Variants in ARHGAP8 observed in about 807,000 individuals in gnomAD.
ARHGAP8 encodes the protein rho GTPase-activating protein 8.
Under a neutral mutation model 46.1 loss-of-function variants are expected in ARHGAP8, and 62 were observed. The observed-to-expected ratio is 1.34, with a 90% CI of 1.10 to 1.66. The LOEUF (loss-of-function observed/expected upper bound fraction) is 1.66, where lower values mean the gene tolerates loss of function less well. ARHGAP8 is among the 40% of genes most tolerant of loss of function. The pLI is 0.00. For synonymous variants in ARHGAP8, 375 were observed against 243.1 expected, an observed-to-expected ratio of 1.54 and a Z score of -5.05; for missense variants, 923 against 568.4, an observed-to-expected ratio of 1.62 and a Z score of -6.34.
chr22:44,844,473 T>A (rs2069906295), intron 7 of ARHGAP8, among the ~76,000 whole-genome samples: 1 of 151,572 alleles, frequency 6.6e-6, no homozygotes, highest in African/African-American at 2.4e-5. Flanking sequence ...TTTTATTTTA[T>A]TTTTTTTGAG....
chr22:44,825,651 C>T (rs949822935), intron 7 of ARHGAP8, 58 bp downstream of exon 7: 156 of 1,541,130 alleles, frequency 1.0e-4, no homozygotes, highest in Admixed American at 7.1e-4. Context: ...AGCTGTGGGG[C>T]GCTTCTGGGT....
intron 2 of ARHGAP8, 57 bp downstream of exon 2, chr22:44,786,663 C>A: frequency 2.6e-6 from 4 of 1,561,142 alleles, no homozygotes; most frequent in South Asian, 1.2e-5. Context: ...TTCCTCTCGG[C>A]AACTTTGAGG....
intron 7 of ARHGAP8, among the ~76,000 whole-genome samples, chr22:44,839,913 C>T (rs547656257): frequency 2.5e-4 from 38 of 152,336 alleles, no homozygotes; most frequent in African/African-American, 3.6e-4. Context: ...GCAGAGGGCA[C>T]GTGGTGGTGT....
At chr22:44,801,180 G>A (rs1212428050) in intron 2 of ARHGAP8, among the ~76,000 whole-genome samples, 2 of 53,290 alleles carry the variant, frequency 3.8e-5, no homozygotes, top group Non-Finnish European at 3.3e-5. Context: ...TGTGGGGGGC[G>A]CCCCTCCCCG....
chr22:44,818,707 CT>C lies in ARHGAP8; in HGVS notation c.387-3655del, dbSNP rs201353111. Among the ~76,000 whole-genome samples the C allele has an allele frequency of 5.9e-5, 9 of 151,344 alleles. No homozygotes were observed. In the East Asian group the frequency reaches 9.7e-4, roughly 16 times the overall value. ...ATTTTTCTTCCTTCCTTCCTTTTCT[CT>C]TTTTTTTTCATAGGTTCTTGTTCCA... On this transcript the variant is annotated intron_variant, in intron 5 of 11. Transcript: ENST00000356099.
At chr22:44,858,837 C>T (rs2269546) in intron 10 of ARHGAP8, among the ~76,000 whole-genome samples, 1 of 149,138 alleles carries the variant, frequency 6.7e-6, no homozygotes, top group African/African-American at 2.5e-5. Flanking sequence ...GCTGAGAATC[C>T]TGAGCAGGCA....
chr22:44,822,035 G>A (rs1930188346), intron 5 of ARHGAP8, among the ~76,000 whole-genome samples: 2 of 152,230 alleles, frequency 1.3e-5, no homozygotes, highest in East Asian at 1.9e-4. Context: ...AGTGCCCCCT[G>A]TCTAGCCTGC....
chr22:44,825,466 C>G lies in ARHGAP8; in HGVS notation c.486-17C>G, dbSNP rs1930440054. 8 of 1,606,498 alleles carry G rather than the reference C, an allele frequency of 5.0e-6. No homozygotes were observed. The East Asian group carries it at 1.8e-4, about 36-fold the overall frequency. ...TGCCCCTGCCAGGTGAGATCCCAGC[C>G]TCTGTTGTGTCTACAGGTACGATGA... On this transcript the variant is annotated splice_polypyrimidine_tract_variant and intron_variant, in intron 6 of 11. Coordinates refer to ENST00000356099, the MANE Select transcript of ARHGAP8 (RefSeq NM_181335.3).
intron 8 of ARHGAP8, 54 bp from the exon 9 acceptor site, chr22:44,847,918 CT>C: frequency 6.3e-7 from 1 of 1,598,792 alleles, no homozygotes; most frequent in Non-Finnish European, 8.5e-7. Flanking sequence ...ATATAATGTC[CT>C]GGAAGCCCTT....
chr22:44,829,528 C>T (rs148481148), intron 7 of ARHGAP8, among the ~76,000 whole-genome samples: 1 of 152,286 alleles, frequency 6.6e-6, no homozygotes, highest in East Asian at 1.9e-4. Context: ...TCTCCCAGGG[C>T]CAGTTGTAAC....
intron 1 of ARHGAP8, among the ~76,000 whole-genome samples, chr22:44,769,774 G>A (rs1300727260): frequency 3.3e-5 from 5 of 152,156 alleles, no homozygotes; most frequent in Admixed American, 1.3e-4. Flanking sequence ...CATTGAGACC[G>A]CAGGATTGCG....
intron 10 of ARHGAP8, among the ~76,000 whole-genome samples, chr22:44,857,791 C>G (rs1051628047): frequency 4.9e-4 from 74 of 149,600 alleles, no homozygotes; most frequent in Non-Finnish European, 2.1e-4. Flanking sequence ...GTCACCTAAC[C>G]TCTCAGAGCT....
chr22:44,854,266 T>C lies in ARHGAP8; in HGVS notation c.877+5206T>C, dbSNP rs557032427. On this transcript the variant is annotated intron_variant, in intron 10 of 11. Coordinates refer to ENST00000356099, the MANE Select transcript of ARHGAP8 (RefSeq NM_181335.3). Reference sequence around the variant, plus strand: ...TTTTTTTTTTTTTTGAGACGGAGTCTTGCTTTGTTGCCCAGGTTGGAGTGC... The same window carrying C: ...TTTTTTTTTTTTTTGAGACGGAGTCCTGCTTTGTTGCCCAGGTTGGAGTGC... Among the ~76,000 whole-genome samples, 23 of 148,968 alleles carry C rather than the reference T, an allele frequency of 1.5e-4. No homozygotes were observed. In the South Asian group the frequency reaches 4.7e-3, roughly 30 times the overall value.
chr22:44,752,765 C>A (rs1924337771), intron 1 of ARHGAP8, 138 bp downstream of exon 1: 1 of 151,660 alleles, frequency 6.6e-6, no homozygotes, highest in African/African-American at 2.4e-5. Context: ...GCGGGCGCGA[C>A]GCCACGTGCG....
intron 1 of ARHGAP8, among the ~76,000 whole-genome samples, chr22:44,752,940 C>G (rs1168622393): frequency 6.6e-6 from 1 of 152,004 alleles, no homozygotes; most frequent in Admixed American, 6.6e-5. Context: ...CCGCCCTCGC[C>G]TCTCTCAGCC....
chr22:44,807,846 T>C (rs1929042016), intron 3 of ARHGAP8, among the ~76,000 whole-genome samples: 1 of 152,202 alleles, frequency 6.6e-6, no homozygotes, highest in African/African-American at 2.4e-5. Flanking sequence ...GTCGACACTC[T>C]GCTTTGCCTC....
At chr22:44,754,546 G>C (rs1924518487) in intron 1 of ARHGAP8, among the ~76,000 whole-genome samples, 1 of 152,038 alleles carries the variant, frequency 6.6e-6, no homozygotes, top group Non-Finnish European at 1.5e-5. Context: ...AGTAGAAGTG[G>C]GGTTTCACCA....
rs1271670849 is a variant in ARHGAP8 at position 44,862,435 on chromosome 22, T to A, written c.1142T>A (p.Phe381Tyr). ...ELLIEYYEKIFSTPEAPGEHG... is the reference protein window; with the variant it reads ...ELLIEYYEKIYSTPEAPGEHG... ...CTGATCGAGTACTATGAAAAGATCT[T>A]CAGCACCCCGGAGGCACCTGGGGAG... The change falls in exon 12 of 12, where the codon TTC becomes TAC. Residue 381 changes from phenylalanine to tyrosine, a missense_variant. By Grantham distance (22) the Phe-to-Tyr change is conservative. Coordinates refer to ENST00000356099, the MANE Select transcript of ARHGAP8 (RefSeq NM_181335.3). 1 of 1,614,134 alleles carries A rather than the reference T, an allele frequency of 6.2e-7. No homozygotes were observed. Among genetic ancestry groups the A allele is most frequent in the East Asian group, 2.2e-5 (1 of 44,870 alleles).
chr22:44,852,306 G>A (rs2070116470), intron 10 of ARHGAP8, among the ~76,000 whole-genome samples: 1 of 151,878 alleles, frequency 6.6e-6, no homozygotes, highest in African/African-American at 2.4e-5. Context: ...GGAAAGTCAT[G>A]GAGCTTCAAT....
Sources: allele counts gnomAD v4.1 joint callset (sites outside exome capture counted in the v4.1 genomes callset), GRCh38; gene constraint gnomAD v4.1.1; transcripts MANE v1.5; gene names NCBI Gene and HGNC (gene_info 2026-07-23, HGNC 2026-07-21).